The following GANAB variants were observed in gnomAD, a reference collection of about 807,000 sequenced individuals.
GANAB encodes glucosidase II alpha subunit, also known as neutral alpha-glucosidase AB.
GANAB carries 35 observed loss-of-function variants against 129.9 expected under a neutral mutation model. The observed-to-expected ratio is 0.27, with a 90% confidence interval of 0.21 to 0.36. The LOEUF is 0.36. Among genes scored for constraint, GANAB ranks in the 10% least tolerant of loss-of-function variants. The probability of loss-of-function intolerance (pLI) is 1.00; values close to 1 mark genes in which losing one functional copy is unlikely to be tolerated. For synonymous variants in GANAB, 482 were observed against 451.8 expected, an observed-to-expected ratio of 1.07 and a Z score of -0.85; for missense variants, 939 against 1,221.0, an observed-to-expected ratio of 0.77 and a Z score of 3.44.
intron 1 of GANAB, among the ~76,000 whole-genome samples, chr11:62,640,526 C>A (rs1944197506): frequency 1.2e-5 from 1 of 84,994 alleles, no homozygotes; most frequent in Non-Finnish European, 2.3e-5. Flanking sequence ...GAGTGAGACT[C>A]CATCTCCAAA....
intron 9 of GANAB, among the ~76,000 whole-genome samples, chr11:62,631,912 C>T (rs1730289682): frequency 1.3e-5 from 2 of 151,818 alleles, no homozygotes; most frequent in African/African-American, 4.8e-5. Flanking sequence ...CTATCATGCC[C>T]GGCCCCATCT....
intron 1 of GANAB, among the ~76,000 whole-genome samples, chr11:62,644,642 T>G (rs1233764428): frequency 6.6e-6 from 1 of 151,830 alleles, no homozygotes; most frequent in East Asian, 1.9e-4. Context: ...TAATTAAGAC[T>G]GGTCAATGGG....
rs1029329892 is a variant in GANAB, at chr11:62,638,893, A to C, written c.380+90T>G. On this transcript the variant is annotated intron_variant, in intron 4 of 23. Transcript: ENST00000356638. The stretch of plus-strand genomic sequence containing the variant: ...TGCTATGCTAGTTAACTACTACCTT[A>C]TTTTGGGAAAGAATATCAGCAACCA... 6.0e-5 allele frequency: 80 copies of C among 1,340,350 alleles called. No individual in the cohort carries two copies. The African/African-American group carries it at 1.1e-3, about 19-fold the overall frequency. 83.0% of individuals were successfully genotyped at this position (1,340,350 alleles called of 1,614,324 possible).
intron 21 of GANAB, 50 bp downstream of exon 21, chr11:62,626,521 C>T (rs1160744987): frequency 6.6e-7 from 1 of 1,509,682 alleles, no homozygotes; most frequent in Admixed American, 1.7e-5. Context: ...AGAACTGAGT[C>T]CTAGGAAGGC....
At chr11:62,629,105 ACT>A in intron 16 of GANAB, 87 bp downstream of exon 16, 1 of 1,552,596 alleles carries the variant, frequency 6.4e-7, no homozygotes, top group Non-Finnish European at 8.9e-7. Context: ...TGGACTCTCA[ACT>A]CTCTTTGCTT....
intron 5 of GANAB, chr11:62,634,045 C>A: frequency 2.2e-6 from 1 of 445,226 alleles, no homozygotes; most frequent in Non-Finnish European, 4.0e-6. Context: ...GAGTCAGGAA[C>A]CCCAGCAATA....
chr11:62,634,821 G>C lies in GANAB; in HGVS notation c.560C>G (p.Ser187Trp). Reference sequence around the variant, plus strand: ...CTGCAGTCCCAACCCCTGTACTCACGAGACCCTAGGGGCCCTCTGATGCTC... The same window carrying C: ...CTGCAGTCCCAACCCCTGTACTCACCAGACCCTAGGGGCCCTCTGATGCTC... The part of the protein sequence containing the change: ...EFEHQRAPRV[S>W]QGSKDPAEGD... The change falls in exon 5 of 24, where the codon TCG becomes TGG. Residue 187 changes from serine to tryptophan, a missense_variant and splice_region_variant. Around this residue, in one of 5 missense-constraint regions of GANAB, gnomAD observed 321 missense variants for 329.1 expected, o/e 0.98. Transcript: ENST00000356638. 1 of 1,612,482 alleles carries C rather than the reference G, an allele frequency of 6.2e-7. No individual in the cohort carries two copies. The highest frequency in any genetic ancestry group is 1.1e-5 in the South Asian group (1 of 91,040).
intron 9 of GANAB, 33 bp downstream of exon 9, chr11:62,632,532 C>G: frequency 1.3e-6 from 2 of 1,569,280 alleles, no homozygotes; most frequent in Non-Finnish European, 1.8e-6. Context: ...GGAAGCTTCA[C>G]TCCCTCCTTT....
intron 3 of GANAB, 99 bp from the exon 4 acceptor site, chr11:62,639,209 C>G: frequency 1.4e-6 from 2 of 1,427,292 alleles, no homozygotes. Context: ...TCCTTTGAGC[C>G]CTTTGCCTAA....
chr11:62,631,241 A>G, intron 9 of GANAB, 58 bp from the exon 10 acceptor site: 1 of 1,462,008 alleles, frequency 6.8e-7, no homozygotes, highest in African/African-American at 1.4e-5. Flanking sequence ...TTCCAACCCC[A>G]AGACAAAAAG....
rs773399830 is a variant in GANAB, at chr11:62,634,821, G to A, written c.560C>T (p.Ser187Leu). The A allele has an allele frequency of 4.3e-6, 7 of 1,612,364 alleles. No individual in the cohort carries two copies. Among genetic ancestry groups the A allele is most frequent in the Non-Finnish European group, 5.1e-6 (6 of 1,178,688 alleles). The change falls in exon 5 of 24, where the codon TCG becomes TTG. Residue 187 changes from serine (S) to leucine (L), a missense_variant and splice_region_variant. By Grantham distance (145) the Ser-to-Leu change is moderately radical. Transcript: ENST00000356638. ...EFEHQRAPRV[S>L]QGSKDPAEGD... is the part of the protein sequence containing the mutation. ...CTGCAGTCCCAACCCCTGTACTCAC[G>A]AGACCCTAGGGGCCCTCTGATGCTC...
chr11:62,629,349 T>C (rs1298287199), intron 15 of GANAB, 54 bp from the exon 16 acceptor site: 2 of 1,270,082 alleles, frequency 1.6e-6, no homozygotes, highest in South Asian at 1.2e-5. Context: ...TTCAGCTTTT[T>C]ACATGGCTGA....
chr11:62,639,962 G>A (rs569532666), intron 1 of GANAB: 46 of 502,424 alleles, frequency 9.2e-5, no homozygotes, highest in Middle Eastern at 5.5e-4. Context: ...TAGGCTGGGC[G>A]TGGTGGCTCA....
Position 62,625,937 on chromosome 11 carries a change from T to C in GANAB, c.2726-13A>G, listed in dbSNP as rs1442544926. Reference sequence around the variant, plus strand: ...CTTTCTGGAGATCCTGGAGGAGGAATAAAAGAGTGCCATAGTCATACCAAT... The same window carrying C: ...CTTTCTGGAGATCCTGGAGGAGGAACAAAAGAGTGCCATAGTCATACCAAT... On this transcript the variant is annotated splice_polypyrimidine_tract_variant and intron_variant, in intron 23 of 23. Transcript: ENST00000356638. 7 of 1,576,720 alleles carry C rather than the reference T, an allele frequency of 4.4e-6. No homozygotes were observed. Among genetic ancestry groups the C allele is most frequent in the Non-Finnish European group, 6.1e-6 (7 of 1,146,000 alleles).
At chr11:62,636,206 G>T (rs775509998) in intron 4 of GANAB, among the ~76,000 whole-genome samples, 1 of 150,728 alleles carries the variant, frequency 6.6e-6, no homozygotes, top group Non-Finnish European at 1.5e-5. Context: ...GACCAGGCTG[G>T]TCTTGTACTC....
intron 9 of GANAB, 94 bp from the exon 10 acceptor site, chr11:62,631,277 C>T: frequency 8.2e-7 from 1 of 1,217,586 alleles, no homozygotes; most frequent in Non-Finnish European, 1.1e-6. Flanking sequence ...AGAGTCCACA[C>T]AGAGCTGGCT....
chr11:62,646,472 G>A, intron 1 of GANAB, 90 bp downstream of exon 1: 1 of 1,428,020 alleles, frequency 7.0e-7, no homozygotes, highest in African/African-American at 1.4e-5. Context: ...GGGGGTGGCA[G>A]AGTGTCAAGA....
chr11:62,635,049 G>T (rs775863882), intron 4 of GANAB, 49 bp from the exon 5 acceptor site: 2 of 1,365,442 alleles, frequency 1.5e-6, no homozygotes, highest in Admixed American at 3.5e-5. Flanking sequence ...GGGCCAAGAG[G>T]AGTAATGACA....
Position 62,625,836 on chromosome 11 carries a change from A to G in GANAB, c.2814T>C (p.Asp938=). 1 of 1,610,304 alleles carries G rather than the reference A, an allele frequency of 6.2e-7. No individual in the cohort carries two copies. The highest frequency in any genetic ancestry group is 8.5e-7 in the Non-Finnish European group (1 of 1,176,656). The stretch of plus-strand genomic sequence containing the variant: ...TGGGTTATCGCAGGTGAATACTCCA[A>G]TCAGATGCCACATTGATGCCAGGCT... ...LRKPGINVAS[D]WSIHLR The change falls in exon 24 of 24, where the codon GAT becomes GAC. Residue 938 remains aspartate (D), a synonymous_variant. Coordinates refer to ENST00000356638, the MANE Select transcript of GANAB (RefSeq NM_198334.3).
Sources: gnomAD v4.1 joint callset for allele counts (sites outside exome capture counted in the v4.1 genomes callset) on GRCh38, gnomAD v4.1.1 for gene constraint, gnomAD v4.1.1 regional missense constraint, MANE v1.5 for transcripts, NCBI Gene and HGNC (gene_info 2026-07-23, HGNC 2026-07-21) for gene names.